FBXO16: variants seen among roughly 807,000 people sequenced by gnomAD.
FBXO16 encodes the protein F-box only protein 16.
Under a neutral mutation model 41.0 loss-of-function variants are expected in FBXO16, and 31 were observed. The observed-to-expected ratio is 0.76, with a 90% CI of 0.57 to 1.02. FBXO16 has a LOEUF of 1.02. Among genes scored for constraint, FBXO16 ranks in the 50% least tolerant of loss-of-function variants. The probability of loss-of-function intolerance (pLI) is 0.00; values close to 1 mark genes in which losing one functional copy is unlikely to be tolerated. For synonymous variants in FBXO16, 133 were observed against 117.8 expected, an observed-to-expected ratio of 1.13 and a Z score of -0.84; for missense variants, 361 against 346.2, an observed-to-expected ratio of 1.04 and a Z score of -0.34.
At chr8:28,476,468 AC>A (rs1803425104) in intron 2 of FBXO16, among the ~76,000 whole-genome samples, 1 of 152,186 alleles carries the variant, frequency 6.6e-6, no homozygotes. Context: ...AGTCTTATAC[AC>A]CCTGGTTTGG....
rs181084882 is a variant in FBXO16, at chr8:28,457,552, C to T, written c.343-622G>A. On this transcript the variant is annotated intron_variant, in intron 4 of 8. Transcript: ENST00000380254. ...GTGGCAGGCAAGAGAGAATGAAAGC[C>T]AAGCAAAAGGGGAAACCCTTTATAA... Among the ~76,000 whole-genome samples the T allele has an allele frequency of 1.6e-4, 24 of 152,178 alleles. 1 individual carries two copies. The highest frequency in any genetic ancestry group is 7.2e-4 in the Admixed American group (11 of 15,282).
intron 7 of FBXO16, among the ~76,000 whole-genome samples, chr8:28,438,469 G>A (rs981621214): frequency 6.6e-6 from 1 of 152,180 alleles, no homozygotes; most frequent in Non-Finnish European, 1.5e-5. Flanking sequence ...CCTTCTGGCT[G>A]CCTGGCAGGT....
intron 1 of FBXO16, among the ~76,000 whole-genome samples, chr8:28,487,605 G>A (rs1273322588): frequency 6.6e-6 from 1 of 151,958 alleles, no homozygotes; most frequent in Non-Finnish European, 1.5e-5. Flanking sequence ...ATGTTGGTCA[G>A]GCTTGTCTTG....
intron 7 of FBXO16, among the ~76,000 whole-genome samples, chr8:28,435,936 GTATATAAATATGGATTA>G (rs1339261445): frequency 1.3e-5 from 2 of 152,166 alleles, no homozygotes; most frequent in East Asian, 3.8e-4. Context: ...TGGTAATATT[GTATATAAATATGGATTA>G]TTGTGTTTGA....
At chr8:28,484,097 T>C (rs1803562195) in intron 1 of FBXO16, among the ~76,000 whole-genome samples, 1 of 152,176 alleles carries the variant, frequency 6.6e-6, no homozygotes, top group Admixed American at 6.5e-5. Context: ...GTCAGTTTGA[T>C]GCCACTTTAT....
Position 28,435,249 on chromosome 8 carries a change from C to G in FBXO16, c.844-5846G>C, listed in dbSNP as rs185609040. On this transcript the variant is annotated intron_variant, in intron 7 of 8. Transcript: ENST00000380254. ...GCAATGGTGCGATCCTGGCTCACTG[C>G]AACCTCTGCCTCCCAAGTTCAAGTG... Among the ~76,000 whole-genome samples the G allele has an allele frequency of 1.5e-4, 23 of 151,498 alleles. No individual in the cohort carries two copies. In the East Asian group the frequency reaches 4.5e-3, roughly 30 times the overall value.
Position 28,440,910 on chromosome 8 carries a change from CAA to C in FBXO16, c.843+6259_843+6260del, listed in dbSNP as rs551732232. ...TGTTTATACTTGATAAAGGAAAAAA[CAA>C]AGAAAAGAAACAAGATGTCAGCTAG... On this transcript the variant is annotated intron_variant, in intron 7 of 8. Coordinates refer to ENST00000380254, the MANE Select transcript of FBXO16 (RefSeq NM_172366.4). Among the ~76,000 whole-genome samples, 6 of 152,190 alleles carry C rather than the reference CAA, an allele frequency of 3.9e-5. No homozygotes were observed. The South Asian group carries it at 1.2e-3, about 32-fold the overall frequency.
chr8:28,445,370 T>A (rs772428844), intron 7 of FBXO16, among the ~76,000 whole-genome samples: 6 of 152,196 alleles, frequency 3.9e-5, no homozygotes, highest in Non-Finnish European at 7.4e-5. Context: ...CAAAAGCCCA[T>A]GGGGATGGCT....
intron 3 of FBXO16, among the ~76,000 whole-genome samples, chr8:28,469,887 C>T (rs1293402918): frequency 6.7e-6 from 1 of 148,520 alleles, no homozygotes; most frequent in East Asian, 2.0e-4. Context: ...GGCGACAGAG[C>T]GAGACTCCGT....
intron 7 of FBXO16, among the ~76,000 whole-genome samples, chr8:28,442,648 T>C (rs1802798956): frequency 6.6e-6 from 1 of 152,114 alleles, no homozygotes; most frequent in African/African-American, 2.4e-5. Flanking sequence ...CCTCCCAAAG[T>C]GCTGGGATTA....
chr8:28,442,731 TCTGA>T (rs1802799872), intron 7 of FBXO16, among the ~76,000 whole-genome samples: 1 of 152,176 alleles, frequency 6.6e-6, no homozygotes, highest in Non-Finnish European at 1.5e-5. Context: ...ACTAAGTGGT[TCTGA>T]CTAAGGCAGC....
intron 4 of FBXO16, among the ~76,000 whole-genome samples, chr8:28,461,024 T>C (rs1439359104): frequency 2.0e-5 from 3 of 151,700 alleles, no homozygotes; most frequent in Non-Finnish European, 4.4e-5. Context: ...CAAGCCACTG[T>C]GCCTGGCCGT....
At chr8:28,489,730 C>A (rs925252146) in intron 1 of FBXO16, among the ~76,000 whole-genome samples, 1 of 149,232 alleles carries the variant, frequency 6.7e-6, no homozygotes, top group African/African-American at 2.4e-5. Context: ...AAAAAAAAAA[C>A]CCTTGTAGAA....
intron 7 of FBXO16, among the ~76,000 whole-genome samples, chr8:28,433,390 C>T (rs1337301763): frequency 1.3e-5 from 2 of 152,232 alleles, no homozygotes; most frequent in African/African-American, 4.8e-5. Flanking sequence ...GTTTCTGTTG[C>T]CCTGCTGTTC....
intron 3 of FBXO16, among the ~76,000 whole-genome samples, chr8:28,467,454 T>C (rs1343588342): frequency 6.6e-6 from 1 of 152,206 alleles, no homozygotes; most frequent in Non-Finnish European, 1.5e-5. Flanking sequence ...GTAGGGTGGT[T>C]GTGAGGATTA....
Position 28,471,797 on chromosome 8 carries a change from G to C in FBXO16, c.135+1975C>G, listed in dbSNP as rs546602312. On this transcript the variant is annotated intron_variant, in intron 3 of 8. Transcript: ENST00000380254. ...ATTACTCTCTTGAAGAAAGAAAACA[G>C]AGAATCTCAAAAAAAAAAAAAAAAA... 5.8e-3 allele frequency among the ~76,000 whole-genome samples: 227 copies of C among 39,388 alleles called. 1 individual carries two copies. In the Middle Eastern group the frequency reaches 0.071, roughly 12 times the overall value. 25.8% of individuals were successfully genotyped at this position (39,388 alleles called of 152,430 possible).
chr8:28,474,597 C>T (rs533965853), intron 2 of FBXO16, among the ~76,000 whole-genome samples: 1 of 152,182 alleles, frequency 6.6e-6, no homozygotes, highest in East Asian at 1.9e-4. Flanking sequence ...TCAGTGTATA[C>T]ACATATCACA....
At chr8:28,481,056 G>GA (rs1471853116) in intron 2 of FBXO16, among the ~76,000 whole-genome samples, 2 of 117,954 alleles carry the variant, frequency 1.7e-5, no homozygotes, top group Non-Finnish European at 3.5e-5. Context: ...TTCACTCGGG[G>GA]GCCCCGAGCC....
chr8:28,483,584 T>A, intron 1 of FBXO16, 122 bp from the exon 2 acceptor site: 1 of 659,150 alleles, frequency 1.5e-6, no homozygotes. Context: ...TTTGGGAGGC[T>A]GAGGTGGGCG....
Sources: gnomAD v4.1 joint callset for allele counts (sites outside exome capture counted in the v4.1 genomes callset) on GRCh38, gnomAD v4.1.1 for gene constraint, MANE v1.5 for transcripts, NCBI Gene and HGNC (gene_info 2026-07-23, HGNC 2026-07-21) for gene names.